Variants in BCKDHB observed in about 807,000 individuals in gnomAD.
The protein encoded by BCKDHB is 2-oxoisovalerate dehydrogenase subunit beta, mitochondrial.
BCKDHB carries 41 observed loss-of-function variants against 48.5 expected under a neutral mutation model. The ratio of observed to expected loss-of-function variants is 0.85; its 90% confidence interval spans 0.66 to 1.10. BCKDHB has a LOEUF of 1.10. BCKDHB is among the 50% of genes least tolerant of loss of function. The pLI, the probability that BCKDHB is intolerant of heterozygous loss-of-function variation, is 0.00. For synonymous variants in BCKDHB, 201 were observed against 174.8 expected (o/e 1.15, Z -1.18); for missense variants, 496 against 494.2 (o/e 1.00, Z -0.03).
chr6:80,282,491 A>G (rs901361271), intron 9 of BCKDHB, among the ~76,000 whole-genome samples: 1 of 152,146 alleles, frequency 6.6e-6, no homozygotes, highest in African/African-American at 2.4e-5. Flanking sequence ...AAAATATCGG[A>G]CACATTATTA....
intron 1 of BCKDHB, among the ~76,000 whole-genome samples, chr6:80,108,996 T>G (rs1456031835): frequency 6.6e-6 from 1 of 152,244 alleles, no homozygotes; most frequent in African/African-American, 2.4e-5. Context: ...CAAATACAAC[T>G]TATTTAGTCG....
intron 8 of BCKDHB, among the ~76,000 whole-genome samples, chr6:80,261,916 A>G (rs762779465): frequency 4.6e-5 from 7 of 152,064 alleles, no homozygotes; most frequent in Non-Finnish European, 1.0e-4. Flanking sequence ...ATAGGGCAGT[A>G]TCAGTTTGTA....
chr6:80,244,707 G>A (rs1776534994), intron 8 of BCKDHB, among the ~76,000 whole-genome samples: 1 of 152,088 alleles, frequency 6.6e-6, no homozygotes, highest in African/African-American at 2.4e-5. Flanking sequence ...TGTGGAAGCT[G>A]ACAAAAGTCA....
chr6:80,277,562 AT>A (rs1355500453), intron 9 of BCKDHB, among the ~76,000 whole-genome samples: 5 of 151,762 alleles, frequency 3.3e-5, no homozygotes, highest in Non-Finnish European at 7.4e-5. Flanking sequence ...TTGTGTGATA[AT>A]TTTTTTTAAA....
At chr6:80,444,717 T>G in the BCKDHB span, among the ~76,000 whole-genome samples, 1 of 152,160 alleles carries the variant, frequency 6.6e-6, no homozygotes, top group Non-Finnish European at 1.5e-5. Flanking sequence ...ACAAACAATT[T>G]TTAAAATGTC....
chr6:80,301,575 C>G (rs1767583290), intron 9 of BCKDHB, among the ~76,000 whole-genome samples: 1 of 152,058 alleles, frequency 6.6e-6, no homozygotes, highest in Non-Finnish European at 1.5e-5. Context: ...TTCTACCAGA[C>G]ATACAAAGAA....
chr6:80,210,338 A>C (rs1200338237), intron 8 of BCKDHB, among the ~76,000 whole-genome samples: 1 of 152,116 alleles, frequency 6.6e-6, no homozygotes, highest in African/African-American at 2.4e-5. Context: ...AGACTCAAGT[A>C]AGTACATACT....
Position 80,171,352 on chromosome 6 carries a change from G to A in BCKDHB, c.704G>A (p.Cys235Tyr), listed in dbSNP as rs911181994. ...LLSCIEDKNP[C>Y]IFFEPKILYR... ...TCATGCATAGAGGATAAAAATCCTTGTATATTTTTTGAACCTAAAATACTT... is the reference window on the plus strand; with the variant it reads ...TCATGCATAGAGGATAAAAATCCTTATATATTTTTTGAACCTAAAATACTT... Residue 235 changes from cysteine to tyrosine, a missense_variant, in exon 6 of 10, where the codon TGT becomes TAT. Physicochemically the swap from Cys to Tyr is radical, Grantham distance 194. Transcript: ENST00000320393. The A allele has an allele frequency of 1.9e-6, 3 of 1,607,086 alleles. No homozygotes were observed. Among genetic ancestry groups the A allele is most frequent in the Non-Finnish European group, 2.5e-6 (3 of 1,177,300 alleles).
chr6:80,338,106 G>A (rs556284651), intron 9 of BCKDHB, among the ~76,000 whole-genome samples: 3 of 152,064 alleles, frequency 2.0e-5, no homozygotes, highest in Admixed American at 6.5e-5. Flanking sequence ...CCAACTTTCC[G>A]TCAGAAGAAC....
intron 8 of BCKDHB, among the ~76,000 whole-genome samples, chr6:80,252,265 G>T (rs1280506494): frequency 6.6e-6 from 1 of 152,094 alleles, no homozygotes; most frequent in East Asian, 1.9e-4. Flanking sequence ...TACAACACTG[G>T]ACTTATTTTT....
At chr6:80,124,777 G>A (rs1250513691) in intron 1 of BCKDHB, among the ~76,000 whole-genome samples, 2 of 152,080 alleles carry the variant, frequency 1.3e-5, no homozygotes, top group African/African-American at 2.4e-5. Flanking sequence ...CTGAGCAGTA[G>A]GTTTCAACAG....
At chr6:80,289,827 G>A (rs1379620780) in intron 9 of BCKDHB, among the ~76,000 whole-genome samples, 1 of 152,180 alleles carries the variant, frequency 6.6e-6, no homozygotes, top group Admixed American at 6.5e-5. Context: ...AGCTCCAGCA[G>A]AGAGCAGCCA....
At chr6:80,351,909 C>A in the BCKDHB span, among the ~76,000 whole-genome samples, 1 of 151,270 alleles carries the variant, frequency 6.6e-6, no homozygotes, top group African/African-American at 2.4e-5. Flanking sequence ...ACAACCTCTG[C>A]CTTCCGGGTT....
chr6:80,309,245 G>A (rs1249690456), intron 9 of BCKDHB, among the ~76,000 whole-genome samples: 1 of 151,786 alleles, frequency 6.6e-6, no homozygotes, highest in African/African-American at 2.4e-5. Flanking sequence ...TGTATTTTTA[G>A]TAGAGACAGG....
At chr6:80,364,567 G>T in the BCKDHB span, among the ~76,000 whole-genome samples, 1 of 152,172 alleles carries the variant, frequency 6.6e-6, no homozygotes, top group Non-Finnish European at 1.5e-5. Context: ...CTATTTCAGA[G>T]ATAAGTAGAC....
chr6:80,438,294 C>T, the BCKDHB span, among the ~76,000 whole-genome samples: 1 of 152,206 alleles, frequency 6.6e-6, no homozygotes, highest in Admixed American at 6.5e-5. Flanking sequence ...GAACATTCCT[C>T]ATCTTTCTTA....
the BCKDHB span, among the ~76,000 whole-genome samples, chr6:80,371,868 GT>G: frequency 1.2e-3 from 180 of 152,164 alleles, no homozygotes; most frequent in African/African-American, 3.3e-3. Context: ...GTACCATGCT[GT>G]TTTGGTGACT....
intron 8 of BCKDHB, among the ~76,000 whole-genome samples, chr6:80,210,135 CAA>C (rs61476553): frequency 0.17 from 18,813 of 112,798 alleles, 2,208 homozygotes; most frequent in African/African-American, 0.41. Context: ...AAGAAATATA[CAA>C]AAAAAAAAAA....
the BCKDHB span, among the ~76,000 whole-genome samples, chr6:80,407,633 A>T: frequency 6.6e-6 from 1 of 152,118 alleles, no homozygotes; most frequent in Non-Finnish European, 1.5e-5. Context: ...ATGGGAGCTC[A>T]CTCATGCTTT....
Sources: gnomAD v4.1 joint callset for allele counts (sites outside exome capture counted in the v4.1 genomes callset) on GRCh38, gnomAD v4.1.1 for gene constraint, MANE v1.5 for transcripts, NCBI Gene and HGNC (gene_info 2026-07-23, HGNC 2026-07-21) for gene names.